Variants in SEMA6A observed in about 807,000 individuals in gnomAD.
SEMA6A encodes the protein semaphorin-6A.
A neutral mutation model predicts 96.8 loss-of-function variants in SEMA6A; 25 were observed. The ratio of observed to expected loss-of-function variants is 0.26; its 90% CI spans 0.19 to 0.36. The LOEUF is 0.36. Ranked by LOEUF, SEMA6A falls within the 10% of genes least tolerant of loss-of-function variation. The probability of loss-of-function intolerance (pLI) is 1.00; values close to 1 mark genes in which losing one functional copy is unlikely to be tolerated. For synonymous variants in SEMA6A, 612 were observed against 518.0 expected (o/e 1.18, Z -2.46); for missense variants, 1,363 against 1,323.1 (o/e 1.03, Z -0.47).
At chr5:116,510,722 C>T (rs558362572) in intron 1 of SEMA6A, among the ~76,000 whole-genome samples, 1 of 152,110 alleles carries the variant, frequency 6.6e-6, no homozygotes, top group Non-Finnish European at 1.5e-5. Context: ...CTCTCTCCCC[C>T]ACCCACTTCA....
At chr5:116,451,837 A>G (rs1754656936) in intron 18 of SEMA6A, among the ~76,000 whole-genome samples, 1 of 152,224 alleles carries the variant, frequency 6.6e-6, no homozygotes, top group African/African-American at 2.4e-5. Flanking sequence ...GGTGCTCAGT[A>G]TTTGCTCAAA....
intron 1 of SEMA6A, among the ~76,000 whole-genome samples, chr5:116,529,315 C>A (rs1759362612): frequency 6.6e-6 from 1 of 152,116 alleles, no homozygotes. Flanking sequence ...GGAATTAATC[C>A]TAGTGTTCTA....
intron 1 of SEMA6A, among the ~76,000 whole-genome samples, chr5:116,569,916 G>A (rs1761142205): frequency 6.6e-6 from 1 of 152,186 alleles, no homozygotes; most frequent in Non-Finnish European, 1.5e-5. Flanking sequence ...TTGGTTATTT[G>A]TGAGGTCCAG....
At chr5:116,456,427 T>G (rs1488230866) in intron 18 of SEMA6A, among the ~76,000 whole-genome samples, 1 of 152,216 alleles carries the variant, frequency 6.6e-6, no homozygotes, top group African/African-American at 2.4e-5. Context: ...TATCATGCTC[T>G]GACAAAGAAT....
At chr5:116,497,588 T>A (rs1757663029) in intron 3 of SEMA6A, among the ~76,000 whole-genome samples, 1 of 152,204 alleles carries the variant, frequency 6.6e-6, no homozygotes, top group Middle Eastern at 3.2e-3. Flanking sequence ...GGCATTGTGC[T>A]CCAAGGAACA....
intron 1 of SEMA6A, among the ~76,000 whole-genome samples, chr5:116,542,222 G>A (rs1311481758): frequency 1.3e-5 from 2 of 152,146 alleles, no homozygotes; most frequent in South Asian, 4.1e-4. Flanking sequence ...CAAATCATGT[G>A]TCAGTCTGAG....
rs925195326 is a variant in SEMA6A, at chr5:116,444,584, T to C, written c.*2029A>G. On this transcript the variant is annotated 3_prime_UTR_variant, in exon 19 of 19. Transcript: ENST00000343348. ...TCATGATAGAGTAAACAAAAGTCCC[T>C]TTTGTGTGCTTGAGCAAATGAAAAC... 2.6e-5 allele frequency: 4 copies of C among 152,652 alleles called. No individual in the cohort carries two copies. Among genetic ancestry groups the C allele is most frequent in the African/African-American group, 9.6e-5 (4 of 41,462 alleles). 9.5% of individuals were successfully genotyped at this position (152,652 alleles called of 1,614,324 possible).
At chr5:116,454,299 A>G (rs539507449) in intron 18 of SEMA6A, among the ~76,000 whole-genome samples, 1 of 152,320 alleles carries the variant, frequency 6.6e-6, no homozygotes, top group South Asian at 2.1e-4. Context: ...AAAGCCCCGG[A>G]GTAGCATCCC....
rs903544011 is a variant in SEMA6A at position 116,495,803 on chromosome 5, A to C, written c.343-289T>G. Reference sequence around the variant, plus strand: ...GCCAACCTCCCATCATATTAATTTTAATGCCAGATGCTCCAGCGTTCCCTG... The same window carrying C: ...GCCAACCTCCCATCATATTAATTTTCATGCCAGATGCTCCAGCGTTCCCTG... On this transcript the variant is annotated intron_variant, in intron 5 of 18. Transcript: ENST00000343348. 1.4e-4 allele frequency: 55 copies of C among 384,566 alleles called. No individual in the cohort carries two copies. In the Middle Eastern group the frequency reaches 2.3e-3, roughly 16 times the overall value. The allele number at this position is 384,566 out of a possible 1,614,324, so 23.8% of individuals were successfully genotyped here. A position where few individuals can be genotyped will look rare whatever the true frequency, so the allele number is the denominator to read the frequency against.
rs148925157 is a variant in SEMA6A, at chr5:116,528,164, T to G, written c.-38-23182A>C. 1.7e-3 allele frequency among the ~76,000 whole-genome samples: 260 copies of G among 152,332 alleles called. 3 individuals are homozygous for G. The highest frequency in any genetic ancestry group is 0.011 in the South Asian group (51 of 4,824). On this transcript the variant is annotated intron_variant, in intron 1 of 18. Coordinates refer to ENST00000343348, the MANE Select transcript of SEMA6A (RefSeq NM_020796.5). ...CTTCCTTTTCCTTTCTTCGCTTCCT[T>G]AACAATTGGAAAAATATTCTTAAAT...
intron 1 of SEMA6A, among the ~76,000 whole-genome samples, chr5:116,566,313 T>C (rs1248037531): frequency 6.6e-6 from 1 of 152,212 alleles, no homozygotes; most frequent in East Asian, 1.9e-4. Context: ...TTTAATGTTC[T>C]ACAGATGACA....
At position 116,502,269 on chromosome 5, in the gene SEMA6A, C is replaced by A; in HGVS notation, c.159G>T (p.Arg53Ser). ...TAATCATCTGGATGTCCAGCCTGTG[C>A]CTCTGTGTGGTGTTCCGTCCTGGCT... ...GHKPGRNTTQ[R>S]HRLDIQMIMI... Residue 53 changes from arginine (R) to serine (S), a missense_variant, in exon 3 of 19, where the codon AGG becomes AGT. Coordinates refer to ENST00000343348, the MANE Select transcript of SEMA6A (RefSeq NM_020796.5). 6.2e-7 allele frequency: 1 copy of A among 1,613,978 alleles called. No individual in the cohort carries two copies. Among genetic ancestry groups the A allele is most frequent in the Non-Finnish European group, 8.5e-7 (1 of 1,179,874 alleles).
chr5:116,498,248 A>G (rs960412511), intron 3 of SEMA6A, among the ~76,000 whole-genome samples: 2 of 152,168 alleles, frequency 1.3e-5, no homozygotes, highest in African/African-American at 2.4e-5. Context: ...TTGAAATAAC[A>G]TTGACTTTCT....
At chr5:116,474,601 A>G (rs896362488) in intron 16 of SEMA6A, among the ~76,000 whole-genome samples, 4 of 152,202 alleles carry the variant, frequency 2.6e-5, no homozygotes, top group Non-Finnish European at 5.9e-5. Context: ...ACTAATCTCT[A>G]AAAAAGATAA....
chr5:116,496,366 T>C, intron 4 of SEMA6A, 53 bp from the exon 5 acceptor site: 3 of 1,530,362 alleles, frequency 2.0e-6, no homozygotes, highest in Non-Finnish European at 2.7e-6. Context: ...TTGCGTTTGA[T>C]TTTAGAAGTA....
At chr5:116,521,562 C>T (rs946085069) in intron 1 of SEMA6A, among the ~76,000 whole-genome samples, 2 of 152,222 alleles carry the variant, frequency 1.3e-5, no homozygotes, top group Non-Finnish European at 2.9e-5. Context: ...TCCTTCAACA[C>T]ATGTGTGTTT....
chr5:116,478,640 C>T lies in SEMA6A; in HGVS notation c.1329G>A (p.Glu443=). ...QNHTVVFLGS[E]KGIILKFLAR... ...CCAAAAACTTCAAGATGATTCCCTT[C>T]TCTGATCCCAGAAAAACCACAGTGT... Residue 443 remains glutamate (E), a synonymous_variant, in exon 13 of 19, where the codon GAG becomes GAA. Transcript: ENST00000343348. The T allele has an allele frequency of 6.2e-7, 1 of 1,613,756 alleles. No homozygotes were observed. Among genetic ancestry groups the T allele is most frequent in the Non-Finnish European group, 8.5e-7 (1 of 1,179,824 alleles).
chr5:116,519,351 G>T lies in SEMA6A; in HGVS notation c.-38-14369C>A, dbSNP rs546523583. The stretch of plus-strand genomic sequence containing the variant: ...TTGTACACCACAGGGTACTTTTTTA[G>T]TGTTTTGGGAGGTACAAGCAAGAAC... On this transcript the variant is annotated intron_variant, in intron 1 of 18. Transcript: ENST00000343348. 9.9e-5 allele frequency among the ~76,000 whole-genome samples: 15 copies of T among 152,246 alleles called. No homozygotes were observed. In the East Asian group the frequency reaches 2.9e-3, roughly 29 times the overall value.
Position 116,504,963 on chromosome 5 carries a change from CTTTA to C in SEMA6A, c.-23_-20del, listed in dbSNP as rs1758074163. On this transcript the variant is annotated 5_prime_UTR_variant, in exon 2 of 19. Transcript: ENST00000343348. ...ACCTCATAGTAGTTCAGCGGGGAGA[CTTTA>C]TTTCTCTACTTCACCCTGCCAAAAA... 9.8e-6 allele frequency: 15 copies of C among 1,524,568 alleles called. No individual in the cohort carries two copies. Among genetic ancestry groups the C allele is most frequent in the Non-Finnish European group, 1.3e-5 (15 of 1,116,542 alleles). 94.4% of individuals were successfully genotyped at this position (1,524,568 alleles called of 1,614,324 possible). A position where few individuals can be genotyped will look rare whatever the true frequency, so the allele number is the denominator to read the frequency against.
Sources: allele counts gnomAD v4.1 joint callset (sites outside exome capture counted in the v4.1 genomes callset), GRCh38; gene constraint gnomAD v4.1.1; transcripts MANE v1.5; gene names NCBI Gene and HGNC (gene_info 2026-07-23, HGNC 2026-07-21).